SUCLG2: variants seen among roughly 807,000 people sequenced by gnomAD.
The protein encoded by SUCLG2 is succinate-CoA ligase GDP-forming subunit beta.
In SUCLG2, 42 loss-of-function variants were observed where a neutral mutation model predicts 47.9. The ratio of observed to expected loss-of-function variants is 0.88; its 90% CI spans 0.69 to 1.14. SUCLG2 has a LOEUF of 1.14. SUCLG2 is among the 50% of genes most tolerant of loss of function. The probability of loss-of-function intolerance (pLI) is 0.00; values close to 1 mark genes in which losing one functional copy is unlikely to be tolerated. For synonymous variants in SUCLG2, 195 were observed against 197.3 expected (o/e 0.99, Z 0.10); for missense variants, 571 against 525.9 (o/e 1.09, Z -0.84).
At chr3:67,517,356 G>A (rs1259003848) in intron 6 of SUCLG2, among the ~76,000 whole-genome samples, 2 of 152,200 alleles carry the variant, frequency 1.3e-5, no homozygotes. Context: ...TATGGGAATA[G>A]TGCTGCCCAA....
chr3:67,653,483 A>G (rs1701323779), intron 1 of SUCLG2, among the ~76,000 whole-genome samples: 1 of 152,218 alleles, frequency 6.6e-6, no homozygotes, highest in Admixed American at 6.5e-5. Flanking sequence ...TCATAACCAA[A>G]GTTTAGAGGA....
chr3:67,392,709 G>A (rs1421462589), intron 10 of SUCLG2, among the ~76,000 whole-genome samples: 1 of 152,136 alleles, frequency 6.6e-6, no homozygotes. Context: ...AACAATAAGA[G>A]AAGACTATGT....
intron 2 of SUCLG2, among the ~76,000 whole-genome samples, chr3:67,574,118 G>A (rs926777463): frequency 1.3e-5 from 2 of 152,112 alleles, no homozygotes; most frequent in East Asian, 1.9e-4. Context: ...TCAAGCCCCT[G>A]TCATGCTCAA....
At chr3:67,386,889 A>G (rs559852041) in intron 10 of SUCLG2, among the ~76,000 whole-genome samples, 1 of 152,302 alleles carries the variant, frequency 6.6e-6, no homozygotes, top group South Asian at 2.1e-4. Flanking sequence ...AAGTCCAAGG[A>G]TATTTTGACT....
intron 1 of SUCLG2, among the ~76,000 whole-genome samples, chr3:67,616,707 G>C (rs987775990): frequency 3.3e-5 from 5 of 152,138 alleles, no homozygotes; most frequent in African/African-American, 1.2e-4. Flanking sequence ...CAAAACAAAG[G>C]GCTTGCCCCT....
chr3:67,468,813 CG>C (rs1704535412), intron 9 of SUCLG2, among the ~76,000 whole-genome samples: 1 of 152,100 alleles, frequency 6.6e-6, no homozygotes, highest in Admixed American at 6.5e-5. Flanking sequence ...CACTAAGCTT[CG>C]GGGTGGTTTA....
At chr3:67,377,094 A>G (rs563790653) in intron 10 of SUCLG2, among the ~76,000 whole-genome samples, 2 of 152,350 alleles carry the variant, frequency 1.3e-5, no homozygotes, top group East Asian at 1.9e-4. Flanking sequence ...TATACACAGC[A>G]TATGAAATCT....
intron 2 of SUCLG2, among the ~76,000 whole-genome samples, chr3:67,605,159 T>C (rs1019964339): frequency 1.3e-5 from 2 of 152,222 alleles, no homozygotes; most frequent in Non-Finnish European, 2.9e-5. Context: ...GTATCATAAT[T>C]ACAAGGTGAA....
intron 9 of SUCLG2, among the ~76,000 whole-genome samples, chr3:67,485,290 T>C (rs1023345075): frequency 4.6e-5 from 7 of 152,238 alleles, no homozygotes; most frequent in African/African-American, 1.7e-4. Context: ...TCCTTTTTTA[T>C]TGTTATAAAA....
intron 1 of SUCLG2, among the ~76,000 whole-genome samples, chr3:67,617,799 A>G (rs1700656916): frequency 6.6e-6 from 1 of 152,220 alleles, no homozygotes; most frequent in Non-Finnish European, 1.5e-5. Flanking sequence ...GAGTTAATAT[A>G]TGCAAATAAA....
At chr3:67,577,309 AAAC>A (rs146721665) in intron 2 of SUCLG2, among the ~76,000 whole-genome samples, 37,820 of 74,656 alleles carry the variant, frequency 0.51, 5,166 homozygotes, top group East Asian at 0.62. Flanking sequence ...CTGTCTCAAA[AAAC>A]AAAAAAAAAA....
At position 67,520,597 on chromosome 3, in the gene SUCLG2, G is replaced by T. The variant is rs1033381754; in HGVS notation, c.455C>A (p.Thr152Asn). 8.1e-6 allele frequency: 13 copies of T among 1,613,678 alleles called. No homozygotes were observed. In the South Asian group the frequency reaches 1.4e-4, roughly 18 times the overall value. The change falls in exon 5 of 11, where the codon ACC becomes AAC. Residue 152 changes from threonine to asparagine, a missense_variant. Physicochemically the swap from Thr to Asn is moderately conservative, Grantham distance 65 (BLOSUM62 0). Transcript: ENST00000307227. ...VAEALDISRE[T>N]YLAILMDRSC... is the part of the protein sequence containing the mutation. ...CCGGTCCATCAGAATTGCCAGGTAGGTTTCTCTGGAAATATCCAAGGCTTC... is the reference window on the plus strand; with the variant it reads ...CCGGTCCATCAGAATTGCCAGGTAGTTTTCTCTGGAAATATCCAAGGCTTC...
Position 67,374,821 on chromosome 3 carries a change from A to T in SUCLG2, c.*923T>A, listed in dbSNP as rs909559138. ...AAATCCTTTCCCACAACAAAATTGGACATCATGGAAAAAAAAAACACATTC... is the reference window on the plus strand; with the variant it reads ...AAATCCTTTCCCACAACAAAATTGGTCATCATGGAAAAAAAAAACACATTC... On this transcript the variant is annotated 3_prime_UTR_variant, in exon 11 of 11. Coordinates refer to ENST00000307227, the MANE Select transcript of SUCLG2 (RefSeq NM_003848.4). 3 of 954,878 alleles carry T rather than the reference A, an allele frequency of 3.1e-6. No homozygotes were observed. In the African/African-American group the frequency reaches 5.9e-5, roughly 19 times the overall value. The allele number at this position is 954,878 out of a possible 1,614,324, so 59.2% of individuals were successfully genotyped here.
chr3:67,444,093 C>T (rs1220246859), intron 9 of SUCLG2, among the ~76,000 whole-genome samples: 9 of 105,634 alleles, frequency 8.5e-5, no homozygotes, highest in East Asian at 4.3e-4. Context: ...CCAGCCGCGC[C>T]GTCCGGGAGG....
At chr3:67,571,155 C>T (rs772589941) in intron 2 of SUCLG2, among the ~76,000 whole-genome samples, 1 of 152,024 alleles carries the variant, frequency 6.6e-6, no homozygotes, top group Non-Finnish European at 1.5e-5. Flanking sequence ...TGATTCTAAA[C>T]CTGAGGAAAT....
intron 10 of SUCLG2, among the ~76,000 whole-genome samples, chr3:67,364,328 A>T (rs936319405): frequency 6.6e-6 from 1 of 152,080 alleles, no homozygotes; most frequent in African/African-American, 2.4e-5. Flanking sequence ...ACACATGGGG[A>T]GCCTGGCCTT....
At chr3:67,398,334 A>C (rs1036256838) in intron 10 of SUCLG2, among the ~76,000 whole-genome samples, 4 of 151,104 alleles carry the variant, frequency 2.6e-5, no homozygotes, top group African/African-American at 9.7e-5. Flanking sequence ...GAAAAAAACA[A>C]ACAACCCCAT....
chr3:67,430,793 A>G (rs533903017), intron 9 of SUCLG2, among the ~76,000 whole-genome samples: 55 of 152,332 alleles, frequency 3.6e-4, no homozygotes, highest in African/African-American at 1.3e-3. Context: ...CCACAGAAAT[A>G]AAAACTACCA....
At chr3:67,640,111 C>T (rs747756843) in intron 1 of SUCLG2, among the ~76,000 whole-genome samples, 1 of 152,186 alleles carries the variant, frequency 6.6e-6, no homozygotes, top group Non-Finnish European at 1.5e-5. Flanking sequence ...CACACAAGCA[C>T]AAAACTGAAA....
Sources: gnomAD v4.1 joint callset for allele counts (sites outside exome capture counted in the v4.1 genomes callset) on GRCh38, gnomAD v4.1.1 for gene constraint, MANE v1.5 for transcripts, NCBI Gene and HGNC (gene_info 2026-07-23, HGNC 2026-07-21) for gene names.